The following ITPR2 variants were observed in gnomAD, a reference collection of about 807,000 sequenced individuals.
ITPR2 encodes inositol 1,4,5-trisphosphate-gated calcium channel ITPR2.
A neutral mutation model predicts 317.1 loss-of-function variants in ITPR2; 207 were observed. That is an observed-to-expected ratio of 0.65 (90% confidence interval 0.58 to 0.73). ITPR2 has a LOEUF of 0.73. ITPR2 is among the 30% of genes least tolerant of loss of function. The pLI, the probability that ITPR2 is intolerant of heterozygous loss-of-function variation, is 0.00. For missense variants in ITPR2, 2,613 were observed against 3,284.0 expected (o/e 0.80, Z 4.99); for synonymous variants, 1,156 against 1,149.1 (o/e 1.01, Z -0.12).
intron 50 of ITPR2, among the ~76,000 whole-genome samples, chr12:26,418,281 T>C (rs899496987): frequency 4.6e-5 from 7 of 152,184 alleles, no homozygotes; most frequent in Non-Finnish European, 1.0e-4. Context: ...TATTGGACAA[T>C]GCTCTCCACT....
chr12:26,677,222 C>G (rs1320651669), intron 13 of ITPR2, among the ~76,000 whole-genome samples: 1 of 152,070 alleles, frequency 6.6e-6, no homozygotes, highest in Non-Finnish European at 1.5e-5. Flanking sequence ...GAAATGAAAA[C>G]AAGCTACACT....
At chr12:26,347,773 CA>C (rs1410331006) in intron 55 of ITPR2, among the ~76,000 whole-genome samples, 1 of 152,222 alleles carries the variant, frequency 6.6e-6, no homozygotes, top group Admixed American at 6.5e-5. Flanking sequence ...TATTAAAAAT[CA>C]GAAACACAAA....
chr12:26,602,576 G>T, intron 27 of ITPR2, 41 bp downstream of exon 27: 1 of 1,561,158 alleles, frequency 6.4e-7, no homozygotes, highest in Non-Finnish European at 8.8e-7. Flanking sequence ...TATTTGGCAT[G>T]CAAATATAAA....
At chr12:26,711,097 T>C (rs1948635382) in intron 9 of ITPR2, 76 bp downstream of exon 9, 1 of 904,382 alleles carries the variant, frequency 1.1e-6, no homozygotes, top group Non-Finnish European at 1.8e-6. Context: ...AAATACGATG[T>C]CTTGTGGCGA....
intron 32 of ITPR2, among the ~76,000 whole-genome samples, chr12:26,591,246 G>C (rs1945694670): frequency 6.6e-6 from 1 of 151,974 alleles, no homozygotes; most frequent in Non-Finnish European, 1.5e-5. Context: ...GGAAAAAATA[G>C]AATAATCCGA....
At chr12:26,386,426 G>T (rs1337736979) in intron 55 of ITPR2, among the ~76,000 whole-genome samples, 3 of 152,130 alleles carry the variant, frequency 2.0e-5, no homozygotes, top group Non-Finnish European at 4.4e-5. Flanking sequence ...ATATTGACAG[G>T]TAAGGTAAAC....
At chr12:26,599,482 CA>C in intron 29 of ITPR2, 137 bp from the exon 30 acceptor site, 1 of 736,768 alleles carries the variant, frequency 1.4e-6, no homozygotes, top group East Asian at 2.6e-5. Flanking sequence ...GCATGTCTTT[CA>C]AAAAATGCGA....
intron 55 of ITPR2, among the ~76,000 whole-genome samples, chr12:26,347,243 G>A (rs571216090): frequency 4.0e-4 from 61 of 152,328 alleles, no homozygotes; most frequent in Non-Finnish European, 6.6e-4. Flanking sequence ...AACAGAATGA[G>A]ATTAAGAAAT....
intron 2 of ITPR2, among the ~76,000 whole-genome samples, chr12:26,782,019 TATATATATATATATGTATAGAGAGAG>T (rs1565759806): frequency 1.1e-4 from 4 of 36,366 alleles, no homozygotes; most frequent in African/African-American, 1.9e-4. Context: ...TATATATATA[TATATATATATATATGTATAGAGAGAG>T]AGAGAGAGAG....
chr12:26,731,206 G>T (rs1422147126), intron 2 of ITPR2, among the ~76,000 whole-genome samples: 1 of 152,202 alleles, frequency 6.6e-6, no homozygotes, highest in Non-Finnish European at 1.5e-5. Context: ...CACAAGGCAG[G>T]CATTCAACAA....
chr12:26,803,508 T>C (rs1950595705), intron 1 of ITPR2, among the ~76,000 whole-genome samples: 1 of 152,174 alleles, frequency 6.6e-6, no homozygotes, highest in South Asian at 2.1e-4. Flanking sequence ...GATATAGCTG[T>C]TTGTCCTTGG....
chr12:26,695,470 C>G (rs1948323466), intron 10 of ITPR2, 136 bp downstream of exon 10: 2 of 678,634 alleles, frequency 2.9e-6, no homozygotes, highest in South Asian at 1.9e-5. Context: ...TCATCTTTTA[C>G]CTGTGAACCA....
chr12:26,483,926 G>A, intron 41 of ITPR2, 28 bp from the exon 42 acceptor site: 4 of 1,590,822 alleles, frequency 2.5e-6, no homozygotes, highest in Non-Finnish European at 3.4e-6. Context: ...TAAAATTGAA[G>A]GGTTACAAAA....
chr12:26,681,762 T>C, intron 13 of ITPR2, 112 bp downstream of exon 13: 1 of 680,168 alleles, frequency 1.5e-6, no homozygotes, highest in Non-Finnish European at 2.4e-6. Flanking sequence ...CAGAAGCAAG[T>C]GTGCTATCGA....
At chr12:26,774,134 T>C (rs1417509987) in intron 2 of ITPR2, among the ~76,000 whole-genome samples, 1 of 152,158 alleles carries the variant, frequency 6.6e-6, no homozygotes, top group Non-Finnish European at 1.5e-5. Context: ...TTTTGTCTTC[T>C]GTTATTTAAA....
intron 50 of ITPR2, among the ~76,000 whole-genome samples, chr12:26,417,574 C>T (rs12424434): frequency 0.13 from 19,511 of 152,072 alleles, 1,933 homozygotes; most frequent in East Asian, 0.38. Context: ...CTCTCTTCTG[C>T]CACCATGTAA....
intron 37 of ITPR2, among the ~76,000 whole-genome samples, chr12:26,532,349 C>G (rs1381120689): frequency 1.3e-5 from 2 of 152,172 alleles, no homozygotes; most frequent in Non-Finnish European, 1.5e-5. Context: ...CAGTATAAAA[C>G]ACTCCTCCAG....
chr12:26,458,439 A>G (rs1358486492), intron 45 of ITPR2, among the ~76,000 whole-genome samples: 6 of 152,134 alleles, frequency 3.9e-5, no homozygotes, highest in Non-Finnish European at 8.8e-5. Context: ...AAAGGAAAAT[A>G]CCAGGGCCTT....
At chr12:26,646,622 G>C (rs578153147) in intron 21 of ITPR2, among the ~76,000 whole-genome samples, 23 of 152,194 alleles carry the variant, frequency 1.5e-4, no homozygotes, top group Non-Finnish European at 2.8e-4. Context: ...CCCTGGGTTG[G>C]GTCCACAGGG....
Sources: gnomAD v4.1 joint callset for allele counts (sites outside exome capture counted in the v4.1 genomes callset) on GRCh38, gnomAD v4.1.1 for gene constraint, MANE v1.5 for transcripts, NCBI Gene and HGNC (gene_info 2026-07-23, HGNC 2026-07-21) for gene names.